RIF1: variants seen among roughly 807,000 people sequenced by gnomAD.
RIF1 encodes the protein telomere-associated protein RIF1.
A neutral mutation model predicts 247.1 loss-of-function variants in RIF1; 45 were observed. The observed-to-expected ratio is 0.18, with a 90% CI of 0.14 to 0.23. The LOEUF (loss-of-function observed/expected upper bound fraction) is 0.23, where lower values mean the gene tolerates loss of function less well. RIF1 is among the 10% of genes least tolerant of loss of function. The pLI is 1.00. For missense variants in RIF1, 2,967 were observed against 2,862.5 expected (o/e 1.04, Z -0.83); for synonymous variants, 1,087 against 978.8 (o/e 1.11, Z -2.06).
rs1241112724 is a variant in RIF1 at position 151,465,447 on chromosome 2, C to T, written c.5927C>T (p.Ser1976Phe). Reference protein sequence around the residue: ...TEEFNSDISLSDNTTPVKLNA... With the variant: ...TEEFNSDISLFDNTTPVKLNA... The stretch of plus-strand genomic sequence containing the variant: ...GAATTTAATTCAGATATTAGTCTTT[C>T]TGATAATACTACACCTGTAAAATTG... The change falls in exon 30 of 36, where the codon TCT becomes TTT. Residue 1976 changes from serine (S) to phenylalanine (F), a missense_variant. Ser to Phe is a radical substitution (Grantham distance 155, BLOSUM62 -2). Around this residue, in one of 7 missense-constraint regions of RIF1, gnomAD observed 2,028 missense variants for 1,825.6 expected, o/e 1.11. Transcript: ENST00000444746. 6.2e-7 allele frequency: 1 copy of T among 1,613,980 alleles called. No homozygotes were observed. Among genetic ancestry groups the T allele is most frequent in the East Asian group, 2.2e-5 (1 of 44,878 alleles).
At chr2:151,460,664 T>C (rs1455928713) in intron 26 of RIF1, among the ~76,000 whole-genome samples, 2 of 152,208 alleles carry the variant, frequency 1.3e-5, no homozygotes, top group Non-Finnish European at 2.9e-5. Context: ...TGTTATTTTT[T>C]AAGAATACCT....
Position 151,468,029 on chromosome 2 carries a change from A to G in RIF1, c.6630A>G (p.Ile2210Met). The change falls in exon 31 of 36, where the codon ATA becomes ATG. Residue 2210 changes from isoleucine to methionine, a missense_variant. Coordinates refer to ENST00000444746, the MANE Select transcript of RIF1 (RefSeq NM_018151.5). ...GCCGTGTCTCCTTTGCAGATCCAAT[A>G]TACCAAGCAGGATTGGCAGATGACA... is the stretch of plus-strand genomic sequence containing the variant. The part of the protein sequence containing the change: ...KVRRVSFADP[I>M]YQAGLADDID... The G allele has an allele frequency of 6.2e-7, 1 of 1,613,668 alleles. No individual in the cohort carries two copies. The highest frequency in any genetic ancestry group is 8.5e-7 in the Non-Finnish European group (1 of 1,179,822).
rs1055476485 is a variant in RIF1 at position 151,501,472 on chromosome 2, T to A, written c.*710-1562T>A. On this transcript the variant is annotated intron_variant and NMD_transcript_variant, in intron 11 of 13. Transcript: ENST00000454583. Reference sequence around the variant, plus strand: ...GGGGAGTCCCCTTGCTCAAGTTCTCTTTGTACAATATCTGTGTGCACAAAA... The same window carrying A: ...GGGGAGTCCCCTTGCTCAAGTTCTCATTGTACAATATCTGTGTGCACAAAA... 2.0e-6 allele frequency: 3 copies of A among 1,517,648 alleles called. No individual in the cohort carries two copies. Among genetic ancestry groups the A allele is most frequent in the African/African-American group, 2.8e-5 (2 of 71,960 alleles). The allele number at this position is 1,517,648 out of a possible 1,614,324, so 94.0% of individuals were successfully genotyped here.
At chr2:151,421,536 T>A (rs1382256336) in intron 7 of RIF1, among the ~76,000 whole-genome samples, 1 of 152,108 alleles carries the variant, frequency 6.6e-6, no homozygotes, top group Non-Finnish European at 1.5e-5. Context: ...TAAGGATGGA[T>A]TTTTACTCTA....
At chr2:151,455,640 G>A (rs1170135354) in intron 22 of RIF1, among the ~76,000 whole-genome samples, 6 of 141,888 alleles carry the variant, frequency 4.2e-5, no homozygotes. Flanking sequence ...ATATTATAAG[G>A]AATCTAGAGA....
At chr2:151,420,074 A>G (rs1289896197) in intron 6 of RIF1, 116 bp from the exon 7 acceptor site, 1 of 791,618 alleles carries the variant, frequency 1.3e-6, no homozygotes, top group Non-Finnish European at 2.0e-6. Flanking sequence ...GCATATTTGT[A>G]TATATTCTAA....
the RIF1 span, among the ~76,000 whole-genome samples, chr2:151,532,389 C>T: frequency 6.6e-6 from 1 of 152,056 alleles, no homozygotes; most frequent in African/African-American, 2.4e-5. Flanking sequence ...GTACAATCTC[C>T]AAAGGCATTT....
rs370923067 is a variant in RIF1, at chr2:151,454,717, AGT to A, written c.2345-176_2345-175del. Among the ~76,000 whole-genome samples, 21 of 152,282 alleles carry A rather than the reference AGT, an allele frequency of 1.4e-4. No individual in the cohort carries two copies. The East Asian group carries it at 2.3e-3, about 17-fold the overall frequency. ...TTCTCATTTGTAAAGATAATGTTCTAGTGATACTTATCCATTAATGGTACATT... is the reference window on the plus strand; with the variant it reads ...TTCTCATTTGTAAAGATAATGTTCTAGATACTTATCCATTAATGGTACATT... On this transcript the variant is annotated intron_variant, in intron 21 of 35. Coordinates refer to ENST00000444746, the MANE Select transcript of RIF1 (RefSeq NM_018151.5).
chr2:151,445,026 C>T (rs1693007410), intron 18 of RIF1, among the ~76,000 whole-genome samples: 1 of 152,134 alleles, frequency 6.6e-6, no homozygotes, highest in South Asian at 2.1e-4. Flanking sequence ...GTTGTAGCTG[C>T]ATCACTTGAC....
chr2:151,513,596 G>A, the RIF1 span: 1 of 1,607,106 alleles, frequency 6.2e-7, no homozygotes, highest in Non-Finnish European at 8.5e-7. Context: ...GGCAATATCA[G>A]TAGCATTCCT....
chr2:151,433,625 T>C lies in RIF1; in HGVS notation c.1077+397T>C, dbSNP rs375258518. Among the ~76,000 whole-genome samples the C allele has an allele frequency of 1.2e-3, 177 of 152,078 alleles. 3 individuals are homozygous for C. The highest frequency in any genetic ancestry group is 7.9e-3 in the South Asian group (38 of 4,806). On this transcript the variant is annotated intron_variant, in intron 10 of 35. Coordinates refer to ENST00000444746, the MANE Select transcript of RIF1 (RefSeq NM_018151.5). ...GCACGACCACACCTGGCTAATTTTT[T>C]GTATTTTTTAGTGTAGATAGGGTTT...
At chr2:151,423,234 C>T in intron 8 of RIF1, 192 bp downstream of exon 8, 2 of 509,636 alleles carry the variant, frequency 3.9e-6, no homozygotes, top group Non-Finnish European at 6.8e-6. Flanking sequence ...CATTTGTAGA[C>T]ACCCAAAGTG....
chr2:151,472,482 A>G (rs1298510969), intron 34 of RIF1, among the ~76,000 whole-genome samples: 1 of 152,186 alleles, frequency 6.6e-6, no homozygotes, highest in East Asian at 1.9e-4. Flanking sequence ...GTTTTTGCCC[A>G]TTCAGTATGA....
rs538314913 is a variant in RIF1, at chr2:151,502,779, C to T, written c.*710-255C>T. The T allele has an allele frequency of 9.5e-5, 140 of 1,472,694 alleles. 1 individual carries two copies. In the East Asian group the frequency reaches 2.5e-3, roughly 26 times the overall value. 91.2% of individuals were successfully genotyped at this position (1,472,694 alleles called of 1,614,324 possible). A position where few individuals can be genotyped will look rare whatever the true frequency, so the allele number is the denominator to read the frequency against. On this transcript the variant is annotated intron_variant and NMD_transcript_variant, in intron 11 of 13. Coordinates refer to the RIF1 transcript ENST00000454583. ...ATTAAGGGATTTTTTTTTTTTTGGCCCCCTAAGAAATACCGAGCTAAAGTT... is the reference window on the plus strand; with the variant it reads ...ATTAAGGGATTTTTTTTTTTTTGGCTCCCTAAGAAATACCGAGCTAAAGTT...
chr2:151,514,909 TA>T, the RIF1 span: 1 of 1,570,672 alleles, frequency 6.4e-7, no homozygotes, highest in Non-Finnish European at 8.7e-7. Context: ...GGACTCTTCA[TA>T]ATCTTTCCTA....
At chr2:151,485,187 G>A (rs989436174), downstream of RIF1, 2 of 152,162 alleles carry the variant, frequency 1.3e-5, no homozygotes, top group Non-Finnish European at 2.9e-5. Context: ...AGTATAGATA[G>A]AATTTTGAGA....
the RIF1 span, among the ~76,000 whole-genome samples, chr2:151,522,080 C>T: frequency 6.6e-6 from 1 of 152,070 alleles, no homozygotes; most frequent in Non-Finnish European, 1.5e-5. Flanking sequence ...TGGCAGCCCC[C>T]GGGGTTTATA....
intron 13 of RIF1, chr2:151,507,187 A>G: frequency 1.8e-6 from 1 of 549,152 alleles, no homozygotes; most frequent in Non-Finnish European, 3.2e-6. Context: ...TTGTGGAGAA[A>G]CTAATTTTAA....
In RIF1 at chr2:151,477,891, G is replaced by T. The variant is rs2049007575; in HGVS notation, c.*2820G>T. Reference sequence around the variant, plus strand: ...CCACTGGTTAATTTTTGTATTTTTAGTAGATACGGGGTTTCACCATGTCAG... The same window carrying T: ...CCACTGGTTAATTTTTGTATTTTTATTAGATACGGGGTTTCACCATGTCAG... On this transcript the variant is annotated 3_prime_UTR_variant, in exon 36 of 36. Transcript: ENST00000444746. 1 of 151,916 alleles carries T rather than the reference G, an allele frequency of 6.6e-6. No homozygotes were observed. Among genetic ancestry groups the T allele is most frequent in the Non-Finnish European group, 1.5e-5 (1 of 68,054 alleles). 9.4% of individuals were successfully genotyped at this position (151,916 alleles called of 1,614,324 possible).
Sources: allele counts gnomAD v4.1 joint callset (sites outside exome capture counted in the v4.1 genomes callset), GRCh38; gene constraint gnomAD v4.1.1; regional missense constraint gnomAD v4.1.1; transcripts MANE v1.5; gene names NCBI Gene and HGNC (gene_info 2026-07-23, HGNC 2026-07-21).